The following JAK1 variants were observed in gnomAD, a reference collection of about 807,000 sequenced individuals.
JAK1 encodes the protein tyrosine-protein kinase JAK1.
In JAK1, 16 loss-of-function variants were observed where a neutral mutation model predicts 136.6. The observed-to-expected ratio is 0.12, with a 90% CI of 0.08 to 0.18. The LOEUF is 0.18. Among genes scored for constraint, JAK1 ranks in the 10% least tolerant of loss-of-function variants. The probability of loss-of-function intolerance (pLI) is 1.00; values close to 1 mark genes in which losing one functional copy is unlikely to be tolerated. For missense variants in JAK1, 859 were observed against 1,450.1 expected (o/e 0.59, Z 6.62); for synonymous variants, 492 against 519.5 (o/e 0.95, Z 0.72).
intron 1 of JAK1, among the ~76,000 whole-genome samples, chr1:64,963,772 G>T (rs116528404): frequency 0.013 from 2,034 of 152,220 alleles, 17 homozygotes; most frequent in Non-Finnish European, 0.021. Context: ...CAAGAGCCCA[G>T]ATCTTCTTGC....
chr1:64,847,622 C>A lies in JAK1; in HGVS notation c.1809G>T (p.Met603Ile), dbSNP rs2101015208. Residue 603 changes from methionine to isoleucine, a missense_variant, in exon 13 of 25, where the codon ATG (methionine) becomes ATT (isoleucine). Met to Ile is a conservative substitution (Grantham distance 10). Transcript: ENST00000342505. ...AAGTTCCTTCGTCATCCTTGTAATC[C>A]ATCAGGGTCCCAGAATAGATGTGTG... ...TRTHIYSGTL[M>I]DYKDDEGTSE... 6.2e-7 allele frequency: 1 copy of A among 1,614,104 alleles called. No homozygotes were observed. The highest frequency in any genetic ancestry group is 8.5e-7 in the Non-Finnish European group (1 of 1,180,004).
intron 1 of JAK1, among the ~76,000 whole-genome samples, chr1:64,920,737 T>G (rs1570776429): frequency 6.6e-6 from 1 of 152,134 alleles, no homozygotes; most frequent in East Asian, 1.9e-4. Flanking sequence ...CTTCTGGCCC[T>G]CAGTTTTCCC....
Position 64,869,322 on chromosome 1 carries a change from G to A in JAK1, c.636C>T (p.Pro212=), listed in dbSNP as rs1224164224. 1.9e-6 allele frequency: 3 copies of A among 1,613,672 alleles called. No homozygotes were observed. The highest frequency in any genetic ancestry group is 2.5e-6 in the Non-Finnish European group (3 of 1,179,786). Residue 212 remains proline (P), a synonymous_variant, in exon 6 of 25, where the codon CCC becomes CCT. Transcript: ENST00000342505. ...MMKKMQLPEL[P]KDISYKRYIP... is the part of the protein sequence containing the mutation. ...GTGGGAAGCTTTACCTGATGTCCTTGGGCAGTTCTGGCAACTGCATCTTCT... is the reference window on the plus strand; with the variant it reads ...GTGGGAAGCTTTACCTGATGTCCTTAGGCAGTTCTGGCAACTGCATCTTCT...
At chr1:65,037,536 T>G (rs1647085678) in intron 2 of JAK1, among the ~76,000 whole-genome samples, 1 of 152,210 alleles carries the variant, frequency 6.6e-6, no homozygotes, top group Non-Finnish European at 1.5e-5. Context: ...TAAAATAATT[T>G]TAGAAGTCAA....
chr1:65,014,048 A>G (rs559030195), intron 2 of JAK1, among the ~76,000 whole-genome samples: 1 of 152,210 alleles, frequency 6.6e-6, no homozygotes, highest in Non-Finnish European at 1.5e-5. Flanking sequence ...GCTTAACAGC[A>G]TATTACATAC....
At chr1:64,968,092 AT>A (rs1646413811), upstream of JAK1, among the ~76,000 whole-genome samples, 1 of 152,196 alleles carries the variant, frequency 6.6e-6, no homozygotes, top group East Asian at 1.9e-4. Flanking sequence ...TGAGACTGAC[AT>A]GAAGGGAGAC....
chr1:65,028,248 TCA>T (rs1646994547), intron 2 of JAK1, among the ~76,000 whole-genome samples: 2 of 152,078 alleles, frequency 1.3e-5, no homozygotes, highest in African/African-American at 2.4e-5. Flanking sequence ...AGCAATCCCC[TCA>T]CAATTCTTAT....
chr1:64,846,877 G>C, intron 13 of JAK1, 141 bp from the exon 14 acceptor site: 1 of 647,364 alleles, frequency 1.5e-6, no homozygotes. Flanking sequence ...CAATCCTCTG[G>C]CCTTGGCTGT....
chr1:64,980,939 G>A (rs888027446), intron 2 of JAK1, among the ~76,000 whole-genome samples: 3 of 152,192 alleles, frequency 2.0e-5, no homozygotes, highest in African/African-American at 7.2e-5. Context: ...ATTCCATGGT[G>A]TATATGTGCC....
intron 1 of JAK1, among the ~76,000 whole-genome samples, chr1:65,060,035 C>A (rs1407537475): frequency 3.3e-5 from 5 of 151,936 alleles, no homozygotes; most frequent in African/African-American, 1.2e-4. Context: ...AACAACATTG[C>A]CTAAAATGCA....
chr1:65,031,851 C>A (rs1647026405), intron 2 of JAK1, among the ~76,000 whole-genome samples: 1 of 151,668 alleles, frequency 6.6e-6, no homozygotes, highest in African/African-American at 2.4e-5. Context: ...TAAGGGCACA[C>A]AGAATTTGAG....
At chr1:64,970,146 A>AAAAAAAAAAAAC (rs1646437759), upstream of JAK1, among the ~76,000 whole-genome samples, 1 of 149,234 alleles carries the variant, frequency 6.7e-6, no homozygotes, top group African/African-American at 2.5e-5. Context: ...AAAAAAAAAA[A>AAAAAAAAAAAAC]AAAAAAAAAC....
At chr1:64,944,360 G>A (rs1339134405) in intron 1 of JAK1, among the ~76,000 whole-genome samples, 4 of 151,936 alleles carry the variant, frequency 2.6e-5, no homozygotes, top group Non-Finnish European at 5.9e-5. Context: ...TATGATGACA[G>A]TGGTACTCTC....
intron 1 of JAK1, among the ~76,000 whole-genome samples, chr1:64,902,224 C>T (rs1459932728): frequency 1.3e-5 from 2 of 152,030 alleles, no homozygotes; most frequent in Non-Finnish European, 2.9e-5. Context: ...GCAACAAAAC[C>T]AGAACTGATG....
chr1:65,022,257 G>A (rs1431523389), intron 2 of JAK1, among the ~76,000 whole-genome samples: 1 of 152,160 alleles, frequency 6.6e-6, no homozygotes, highest in Non-Finnish European at 1.5e-5. Context: ...TTTTTCTTGT[G>A]TAATGTCCCC....
At chr1:64,931,958 G>T (rs560424725) in intron 1 of JAK1, among the ~76,000 whole-genome samples, 1 of 151,356 alleles carries the variant, frequency 6.6e-6, no homozygotes, top group African/African-American at 2.4e-5. Flanking sequence ...AAAAAAGGAG[G>T]GGGGGGGATA....
In JAK1 at chr1:64,844,101, T is replaced by G. The variant is rs570094081; in HGVS notation, c.2366A>C (p.Asn789Thr). 16 of 1,614,178 alleles carry G rather than the reference T, an allele frequency of 9.9e-6. No individual in the cohort carries two copies. The highest frequency in any genetic ancestry group is 1.3e-5 in the Non-Finnish European group (15 of 1,180,034). Residue 789 changes from asparagine to threonine, a missense_variant, in exon 17 of 25, where the codon AAT becomes ACT. Transcript: ENST00000342505. The surrounding 1 kb of genome is among the most constrained non-coding windows in gnomAD (Gnocchi z 5.7). ...FGTTLWEICYNGEIPLKDKTL... is the reference protein window; with the variant it reads ...FGTTLWEICYTGEIPLKDKTL... Reference sequence around the variant, plus strand: ...CTTGTCTTTCAAGGGGATCTCGCCATTGTAGCAGATTTCCCAGAGCGTGGT... The same window carrying G: ...CTTGTCTTTCAAGGGGATCTCGCCAGTGTAGCAGATTTCCCAGAGCGTGGT...
chr1:64,879,816 C>T (rs962469741), intron 3 of JAK1, among the ~76,000 whole-genome samples: 4 of 152,132 alleles, frequency 2.6e-5, no homozygotes, highest in Non-Finnish European at 4.4e-5. Flanking sequence ...CAACAGTGCT[C>T]CCCTGCCTCT....
intron 1 of JAK1, among the ~76,000 whole-genome samples, chr1:64,939,372 G>A (rs944864647): frequency 2.0e-5 from 3 of 152,208 alleles, no homozygotes; most frequent in Non-Finnish European, 4.4e-5. Context: ...AAGTTCAAAC[G>A]TCTAATCAGT....
Sources: gnomAD v4.1 joint callset for allele counts (sites outside exome capture counted in the v4.1 genomes callset) on GRCh38, gnomAD v4.1.1 for gene constraint, Gnocchi (gnomAD v3.1) non-coding constraint, MANE v1.5 for transcripts, NCBI Gene and HGNC (gene_info 2026-07-23, HGNC 2026-07-21) for gene names.